KRT73: variants seen among roughly 807,000 people sequenced by gnomAD.
KRT73 encodes the protein keratin, type II cytoskeletal 73.
Under a neutral mutation model 47.2 loss-of-function variants are expected in KRT73, and 44 were observed. That is an observed-to-expected ratio of 0.93 (90% CI 0.73 to 1.20). KRT73 has a LOEUF of 1.20. Among genes scored for constraint, KRT73 ranks in the 50% most tolerant of loss-of-function variants. The pLI, the probability that KRT73 is intolerant of heterozygous loss-of-function variation, is 0.00. For missense variants in KRT73, 713 were observed against 704.5 expected (o/e 1.01, Z -0.14); for synonymous variants, 285 against 291.3 (o/e 0.98, Z 0.22).
the KRT73 span, among the ~76,000 whole-genome samples, chr12:52,629,062 C>G: frequency 6.6e-6 from 1 of 152,148 alleles, no homozygotes; most frequent in Non-Finnish European, 1.5e-5. Flanking sequence ...CTGGACCCTC[C>G]AGCTGGCCCC....
intron 2 of KRT73, 67 bp from the exon 3 acceptor site, chr12:52,615,406 A>C (rs1592244723): frequency 2.3e-6 from 3 of 1,294,674 alleles, no homozygotes; most frequent in Middle Eastern, 1.8e-4. Context: ...TCTCATAGTG[A>C]AATGAGAAAA....
At chr12:52,612,429 C>T (rs1940721312) in intron 5 of KRT73, 1 of 152,238 alleles carries the variant, frequency 6.6e-6, no homozygotes, top group Admixed American at 6.5e-5. Context: ...ACTGCTCTGT[C>T]TCTGTCACTG....
In KRT73 at chr12:52,618,403, C is replaced by T. The variant is rs1205067321; in HGVS notation, c.122G>A (p.Gly41Glu). 6.2e-7 allele frequency: 1 copy of T among 1,614,094 alleles called. No homozygotes were observed. Among genetic ancestry groups the T allele is most frequent in the African/African-American group, 1.3e-5 (1 of 74,948 alleles). ...GTAAAGGCTCCGACTGCTGAAGCCT[C>T]CACTGAGCCCTTTGCCCCCTGCTCG... Reference protein sequence around the residue: ...SYRAGGKGLSGGFSSRSLYSL... With the variant: ...SYRAGGKGLSEGFSSRSLYSL... The change falls in exon 1 of 9, where the codon GGA (glycine) becomes GAA (glutamate). Residue 41 changes from glycine (G) to glutamate (E), a missense_variant. By Grantham distance (98) the Gly-to-Glu change is moderately conservative (BLOSUM62 -2). Coordinates refer to ENST00000305748, the MANE Select transcript of KRT73 (RefSeq NM_175068.3).
At chr12:52,621,118 G>A (rs1341949491), upstream of KRT73, among the ~76,000 whole-genome samples, 1 of 151,974 alleles carries the variant, frequency 6.6e-6, no homozygotes, top group African/African-American at 2.4e-5. Context: ...TTCACACAGT[G>A]AGCTCCTTAT....
intron 1 of KRT73, 32 bp downstream of exon 1, chr12:52,618,046 G>T (rs901760127): frequency 5.0e-6 from 8 of 1,605,078 alleles, no homozygotes; most frequent in Middle Eastern, 3.3e-4. Context: ...TAAAAGGGGA[G>T]CCCAAGATCA....
chr12:52,614,854 G>C, intron 3 of KRT73, 180 bp from the exon 4 acceptor site: 1 of 570,616 alleles, frequency 1.8e-6, no homozygotes, highest in East Asian at 3.0e-5. Context: ...CCTGGGGCAA[G>C]TTTCTCATGC....
chr12:52,613,353 C>G, intron 5 of KRT73: 1 of 208,652 alleles, frequency 4.8e-6, no homozygotes. Context: ...GAGATGCCAA[C>G]TACTCATGTG....
At chr12:52,608,511 G>T in intron 8 of KRT73, 59 bp from the exon 9 acceptor site, 1 of 1,468,480 alleles carries the variant, frequency 6.8e-7, no homozygotes, top group Non-Finnish European at 9.1e-7. Flanking sequence ...GTGGCCTTAA[G>T]TCCCCCTCCA....
rs73320390 is a variant in KRT73, at chr12:52,611,121, C to T, written c.1110+83G>A. On this transcript the variant is annotated intron_variant, in intron 6 of 8. Transcript: ENST00000305748. ...GAAGAAGGGGATTCTGAAATGGATG[C>T]TCAAGAGAAGGAGGGGGCAGGGGGT... The T allele has an allele frequency of 2.5e-3, 3,813 of 1,535,374 alleles. 61 individuals are homozygous for T. In the African/African-American group the frequency reaches 0.046, roughly 18 times the overall value.
At position 52,618,093 on chromosome 12, in the gene KRT73, G is replaced by A. The variant is rs1414535176; in HGVS notation, c.432C>T (p.Ala144=). The A allele has an allele frequency of 1.2e-6, 2 of 1,613,558 alleles. No homozygotes were observed. Among genetic ancestry groups the A allele is most frequent in the African/African-American group, 2.7e-5 (2 of 74,882 alleles). Reference sequence around the variant, plus strand: ...AAAGACCCACCTTGTCAATGAAGGAGGCGAACTTGTTGTTCAGCACCTTGA... The same window carrying A: ...AAAGACCCACCTTGTCAATGAAGGAAGCGAACTTGTTGTTCAGCACCTTGA... ...EQIKVLNNKF[A]SFIDKVRFLE... is the part of the protein sequence containing the mutation. Residue 144 remains alanine (A), a synonymous_variant, in exon 1 of 9, where the codon GCC becomes GCT. Transcript: ENST00000305748.
chr12:52,616,176 A>C lies in KRT73; in HGVS notation c.652T>G (p.Tyr218Asp), dbSNP rs558039765. 80 of 1,614,028 alleles carry C rather than the reference A, an allele frequency of 5.0e-5. 1 individual carries two copies. In the South Asian group the frequency reaches 8.5e-4, roughly 17 times the overall value. ...TGGCGTCCTGCTCACCTCTTCTTGTAGTCCTCCACCACTTCGCGCACGCTC... is the reference window on the plus strand; with the variant it reads ...TGGCGTCCTGCTCACCTCTTCTTGTCGTCCTCCACCACTTCGCGCACGCTC... ...LRSVREVVEDYKKRYEEEINK... is the reference protein window; with the variant it reads ...LRSVREVVEDDKKRYEEEINK... The change falls in exon 2 of 9, where the codon TAC (tyrosine) becomes GAC (aspartate). Residue 218 changes from tyrosine (Y) to aspartate (D), a missense_variant. Tyr to Asp is a radical substitution (Grantham distance 160). Coordinates refer to ENST00000305748, the MANE Select transcript of KRT73 (RefSeq NM_175068.3).
rs1940619887 is a variant in KRT73, at chr12:52,608,099, G to A, written c.*97C>T. ...GTCCACAGCAAAGCAAAGCAAGAAG[G>A]AGATGAGGACAAATGAGACAGAGGA... On this transcript the variant is annotated 3_prime_UTR_variant, in exon 9 of 9. Coordinates refer to ENST00000305748, the MANE Select transcript of KRT73 (RefSeq NM_175068.3). 7.6e-7 allele frequency: 1 copy of A among 1,308,400 alleles called. No individual in the cohort carries two copies. Among genetic ancestry groups the A allele is most frequent in the Admixed American group, 2.3e-5 (1 of 43,812 alleles). The allele number at this position is 1,308,400 out of a possible 1,614,324, so 81.0% of individuals were successfully genotyped here.
intron 1 of KRT73, among the ~76,000 whole-genome samples, 195 bp from the exon 2 acceptor site, chr12:52,616,575 G>T (rs1940819004): frequency 6.6e-6 from 1 of 152,162 alleles, no homozygotes. Context: ...CTCACTCTGA[G>T]GCAGCCCTTA....
At chr12:52,610,592 T>C (rs1408390115) in intron 7 of KRT73, 23 bp downstream of exon 7, 3 of 1,370,110 alleles carry the variant, frequency 2.2e-6, no homozygotes, top group African/African-American at 3.1e-5. Flanking sequence ...TGCAGTTTCT[T>C]CCAGTCCCTC....
At chr12:52,623,079 G>A (rs1940927138), upstream of KRT73, among the ~76,000 whole-genome samples, 2 of 152,038 alleles carry the variant, frequency 1.3e-5, no homozygotes, top group African/African-American at 4.8e-5. Flanking sequence ...AAAGAAATAA[G>A]GAATAAAAAT....
chr12:52,626,696 C>G, the KRT73 span, among the ~76,000 whole-genome samples: 1 of 152,164 alleles, frequency 6.6e-6, no homozygotes, highest in Non-Finnish European at 1.5e-5. Flanking sequence ...ACCCAGCAGG[C>G]TCAGCTATGC....
chr12:52,608,218 G>A lies in KRT73; in HGVS notation c.1601C>T (p.Pro534Leu), dbSNP rs375455812. ...CTTTTATCTCATGGTTTTTTTGGTG[G>A]GTGAGCTTAGAGCTAAGGTCTTTCC... ...SQGKTLALSS[P>L]TKKTMR The change falls in exon 9 of 9, where the codon CCC becomes CTC. Residue 534 changes from proline to leucine, a missense_variant. Physicochemically the swap from Pro to Leu is moderately conservative, Grantham distance 98. Transcript: ENST00000305748. The A allele has an allele frequency of 1.2e-6, 2 of 1,611,292 alleles. No individual in the cohort carries two copies. The highest frequency in any genetic ancestry group is 3.4e-5 in the Admixed American group (2 of 59,434).
rs552057767 is a variant in KRT73, at chr12:52,607,727, A to T, written c.*469T>A. 6.5e-6 allele frequency: 1 copy of T among 154,580 alleles called. No individual in the cohort carries two copies. Among genetic ancestry groups the T allele is most frequent in the East Asian group, 1.9e-4 (1 of 5,212 alleles). The allele number at this position is 154,580 out of a possible 1,614,324, so 9.6% of individuals were successfully genotyped here. A position where few individuals can be genotyped will look rare whatever the true frequency, so the allele number is the denominator to read the frequency against. On this transcript the variant is annotated 3_prime_UTR_variant, in exon 9 of 9. Transcript: ENST00000305748. ...AATATGCAGTGGCTATACAAGATAC[A>T]ACTTCCCACCAGGTGTTTTGCCTGA... is the stretch of plus-strand genomic sequence containing the variant.
At chr12:52,623,491 C>G (rs1940930217), upstream of KRT73, among the ~76,000 whole-genome samples, 2 of 151,980 alleles carry the variant, frequency 1.3e-5, no homozygotes, top group Admixed American at 1.3e-4. Context: ...GTTCTCTAAA[C>G]AGAAAGAAAA....
Sources: allele counts gnomAD v4.1 joint callset (sites outside exome capture counted in the v4.1 genomes callset), GRCh38; gene constraint gnomAD v4.1.1; transcripts MANE v1.5; gene names NCBI Gene and HGNC (gene_info 2026-07-23, HGNC 2026-07-21).